The following NRG3 variants were observed in gnomAD, a reference collection of about 807,000 sequenced individuals.
The protein encoded by NRG3 is neuregulin 3, also known as pro-neuregulin-3, membrane-bound isoform.
A neutral mutation model predicts 66.9 loss-of-function variants in NRG3; 31 were observed. That is an observed-to-expected ratio of 0.46 (90% CI 0.35 to 0.63). The LOEUF (loss-of-function observed/expected upper bound fraction) is 0.63, where lower values mean the gene tolerates loss of function less well. Ranked by LOEUF, NRG3 falls within the 20% of genes least tolerant of loss-of-function variation. The pLI, the probability that NRG3 is intolerant of heterozygous loss-of-function variation, is 0.00. For synonymous variants in NRG3, 393 were observed against 359.4 expected, an observed-to-expected ratio of 1.09 and a Z score of -1.06; for missense variants, 910 against 878.9, an observed-to-expected ratio of 1.04 and a Z score of -0.45.
chr10:82,858,785 G>A (rs184323345), intron 3 of NRG3, among the ~76,000 whole-genome samples: 1 of 152,118 alleles, frequency 6.6e-6, no homozygotes, highest in Non-Finnish European at 1.5e-5. Context: ...ACCTTATATC[G>A]GTAGTCCCAC....
At chr10:82,284,156 G>A (rs1206723025) in intron 1 of NRG3, among the ~76,000 whole-genome samples, 1 of 152,184 alleles carries the variant, frequency 6.6e-6, no homozygotes, top group East Asian at 1.9e-4. Context: ...CAATATCTGC[G>A]TATCAGGGAG....
chr10:82,523,832 C>T (rs544068211), intron 2 of NRG3, among the ~76,000 whole-genome samples: 8 of 152,224 alleles, frequency 5.3e-5, no homozygotes, highest in Non-Finnish European at 7.4e-5. Context: ...CTTTTTGGCT[C>T]CAAGTGTGGT....
intron 2 of NRG3, among the ~76,000 whole-genome samples, chr10:82,442,886 A>G (rs553461884): frequency 7.4e-6 from 1 of 134,638 alleles, no homozygotes; most frequent in East Asian, 2.4e-4. Context: ...CAGGCCTGTT[A>G]TGCCAGCTGG....
chr10:82,731,297 G>A (rs1017071019), intron 2 of NRG3, among the ~76,000 whole-genome samples: 38 of 151,124 alleles, frequency 2.5e-4, no homozygotes, highest in African/African-American at 9.3e-4. Context: ...AGCCTGGGAG[G>A]TGGAGGTTAC....
chr10:82,919,904 C>G (rs1846257458), intron 4 of NRG3, among the ~76,000 whole-genome samples: 1 of 151,070 alleles, frequency 6.6e-6, no homozygotes, highest in Non-Finnish European at 1.5e-5. Context: ...AAATTACTGT[C>G]TTATGATAGT....
At chr10:82,264,764 G>T (rs181742674) in intron 1 of NRG3, among the ~76,000 whole-genome samples, 3 of 152,248 alleles carry the variant, frequency 2.0e-5, no homozygotes, top group Non-Finnish European at 4.4e-5. Flanking sequence ...AGAATGGAGG[G>T]ATCAATCATG....
intron 4 of NRG3, among the ~76,000 whole-genome samples, chr10:82,909,725 A>T (rs1292688926): frequency 6.6e-6 from 1 of 152,204 alleles, no homozygotes; most frequent in Non-Finnish European, 1.5e-5. Flanking sequence ...GATATCAAGG[A>T]TGTGATGATA....
intron 2 of NRG3, among the ~76,000 whole-genome samples, chr10:82,710,447 G>A (rs890217565): frequency 2.0e-5 from 3 of 151,830 alleles, no homozygotes; most frequent in Admixed American, 1.3e-4. Context: ...TTAGCCAGGC[G>A]TGGTGGCGCA....
intron 2 of NRG3, among the ~76,000 whole-genome samples, chr10:82,684,617 A>T (rs1295527200): frequency 6.6e-6 from 1 of 152,086 alleles, no homozygotes; most frequent in Non-Finnish European, 1.5e-5. Flanking sequence ...ATTATGTATG[A>T]CAATCTCTAA....
At chr10:81,930,390 G>A (rs1847226647) in intron 1 of NRG3, among the ~76,000 whole-genome samples, 1 of 151,984 alleles carries the variant, frequency 6.6e-6, no homozygotes, top group Non-Finnish European at 1.5e-5. Flanking sequence ...CAGTTTTATT[G>A]TAGAAGATAC....
intron 2 of NRG3, among the ~76,000 whole-genome samples, chr10:82,570,329 T>G (rs1350870525): frequency 6.6e-6 from 1 of 151,712 alleles, no homozygotes; most frequent in Non-Finnish European, 1.5e-5. Context: ...TAATGTTCTC[T>G]CTACAATTTT....
chr10:82,761,135 T>G (rs942156556), intron 3 of NRG3, among the ~76,000 whole-genome samples: 1 of 151,936 alleles, frequency 6.6e-6, no homozygotes, highest in South Asian at 2.1e-4. Context: ...ATATAGAATA[T>G]TTTATGATAT....
At chr10:82,531,644 A>C (rs1847276540) in intron 2 of NRG3, among the ~76,000 whole-genome samples, 1 of 151,900 alleles carries the variant, frequency 6.6e-6, no homozygotes, top group South Asian at 2.1e-4. Flanking sequence ...GTGTTCACTC[A>C]TCTGTGATAA....
intron 1 of NRG3, among the ~76,000 whole-genome samples, chr10:82,329,940 C>G (rs760830185): frequency 2.8e-4 from 42 of 152,146 alleles, no homozygotes; most frequent in Admixed American, 4.6e-4. Context: ...AGGGTTTCCC[C>G]CAAACCATAC....
chr10:82,951,206 T>C (rs1178347397), intron 4 of NRG3, among the ~76,000 whole-genome samples: 1 of 152,236 alleles, frequency 6.6e-6, no homozygotes, highest in Non-Finnish European at 1.5e-5. Context: ...TCATAGAATG[T>C]CTTTTGATGA....
chr10:82,378,716 G>T (rs2085420490), intron 2 of NRG3, among the ~76,000 whole-genome samples: 2 of 152,092 alleles, frequency 1.3e-5, no homozygotes, highest in South Asian at 4.2e-4. Context: ...GATTACAGGT[G>T]TGTGCCACCA....
rs1333212980 is a variant in NRG3 at position 81,902,368 on chromosome 10, A to C, written c.823+26205A>C. Among the ~76,000 whole-genome samples the C allele has an allele frequency of 2.6e-5, 4 of 152,166 alleles. No individual in the cohort carries two copies. In the East Asian group the frequency reaches 7.7e-4, roughly 29 times the overall value. The stretch of plus-strand genomic sequence containing the variant: ...CCCTCATCCCCTAAATTTCTGTGTT[A>C]AAATCCTAACCCCATATGCTGGTAT... On this transcript the variant is annotated intron_variant, in intron 1 of 8. Coordinates refer to ENST00000372141, the MANE Select transcript of NRG3 (RefSeq NM_001010848.4).
At chr10:82,887,551 G>A (rs934742051) in intron 4 of NRG3, among the ~76,000 whole-genome samples, 3 of 152,166 alleles carry the variant, frequency 2.0e-5, no homozygotes, top group Admixed American at 1.3e-4. Flanking sequence ...AGCATGACAC[G>A]TATAAATCAC....
intron 2 of NRG3, among the ~76,000 whole-genome samples, chr10:82,508,573 T>G: frequency 6.6e-6 from 1 of 152,210 alleles, no homozygotes; most frequent in East Asian, 1.9e-4. Context: ...TGGAAAAGAC[T>G]ACTTTTTAGA....
Sources: gnomAD v4.1 joint callset for allele counts (sites outside exome capture counted in the v4.1 genomes callset) on GRCh38, gnomAD v4.1.1 for gene constraint, MANE v1.5 for transcripts, NCBI Gene and HGNC (gene_info 2026-07-23, HGNC 2026-07-21) for gene names.